TSHZ2: variants seen among roughly 807,000 people sequenced by gnomAD.
The protein encoded by TSHZ2 is teashirt homolog 2.
TSHZ2 carries 21 observed loss-of-function variants against 74.4 expected under a neutral mutation model. The observed-to-expected ratio is 0.28, with a 90% CI of 0.20 to 0.41. The LOEUF (loss-of-function observed/expected upper bound fraction) is 0.41. Ranked by LOEUF, TSHZ2 falls within the 10% of genes least tolerant of loss-of-function variation. The pLI is 1.00. For synonymous variants in TSHZ2, 540 were observed against 515.3 expected (o/e 1.05, Z -0.65); for missense variants, 1,244 against 1,293.5 (o/e 0.96, Z 0.59).
chr20:53,477,730 C>CA (rs1213877507), intron 2 of TSHZ2, among the ~76,000 whole-genome samples: 3 of 136,408 alleles, frequency 2.2e-5, no homozygotes, highest in African/African-American at 5.7e-5. Flanking sequence ...AGGCAACCTA[C>CA]AAAATGGGAG....
chr20:53,160,015 A>G (rs920249656), intron 1 of TSHZ2, among the ~76,000 whole-genome samples: 9 of 152,208 alleles, frequency 5.9e-5, no homozygotes, highest in Non-Finnish European at 1.2e-4. Context: ...AATGATGAGC[A>G]GGTGAAGAGG....
At chr20:53,088,739 A>G (rs1335335134) in intron 1 of TSHZ2, among the ~76,000 whole-genome samples, 2 of 152,164 alleles carry the variant, frequency 1.3e-5, no homozygotes, top group South Asian at 2.1e-4. Context: ...AGTTTTTGTA[A>G]TTAATTGAAG....
chr20:53,242,837 A>G (rs538211886), intron 1 of TSHZ2, among the ~76,000 whole-genome samples: 1 of 152,322 alleles, frequency 6.6e-6, no homozygotes, highest in Admixed American at 6.5e-5. Context: ...CCAATCATTC[A>G]TTTATTTATT....
chr20:52,990,268 G>A (rs1309098069), intron 1 of TSHZ2, among the ~76,000 whole-genome samples: 1 of 152,046 alleles, frequency 6.6e-6, no homozygotes, highest in African/African-American at 2.4e-5. Flanking sequence ...ACTTCACTGA[G>A]ATGTCTACCC....
intron 2 of TSHZ2, among the ~76,000 whole-genome samples, chr20:53,423,176 A>G (rs1221940519): frequency 1.3e-5 from 2 of 152,134 alleles, no homozygotes; most frequent in African/African-American, 4.8e-5. Flanking sequence ...AGGCAGGCGG[A>G]TATCTTGAGG....
At chr20:53,462,327 G>C (rs529578450) in intron 2 of TSHZ2, among the ~76,000 whole-genome samples, 18 of 152,156 alleles carry the variant, frequency 1.2e-4, no homozygotes, top group Non-Finnish European at 2.5e-4. Context: ...CATCTTAACA[G>C]CCTCATGTTT....
intron 2 of TSHZ2, among the ~76,000 whole-genome samples, chr20:53,306,075 A>T (rs1978531106): frequency 6.6e-6 from 1 of 151,910 alleles, no homozygotes; most frequent in East Asian, 1.9e-4. Flanking sequence ...AATAAGAGGC[A>T]TCTGCTCTGG....
chr20:53,230,863 G>A (rs571323318), intron 1 of TSHZ2, among the ~76,000 whole-genome samples: 1 of 151,880 alleles, frequency 6.6e-6, no homozygotes, highest in African/African-American at 2.4e-5. Context: ...CTGCACTCCA[G>A]CCCAGGTGAG....
intron 1 of TSHZ2, among the ~76,000 whole-genome samples, chr20:53,008,980 CCTCTCTCTCT>C (rs55692015): frequency 0.17 from 22,046 of 130,156 alleles, 2,154 homozygotes; most frequent in Admixed American, 0.26. Flanking sequence ...TTGTCTTTCT[CCTCTCTCTCT>C]CTCTCTCTCT....
intron 2 of TSHZ2, chr20:53,421,351 C>T (rs1983459973): frequency 6.0e-6 from 1 of 166,500 alleles, no homozygotes; most frequent in Non-Finnish European, 1.4e-5. Flanking sequence ...AGAATTATTC[C>T]ATTATGTACC....
intron 1 of TSHZ2, among the ~76,000 whole-genome samples, chr20:53,232,205 G>A (rs1407150686): frequency 1.3e-5 from 2 of 151,990 alleles, no homozygotes; most frequent in African/African-American, 4.8e-5. Flanking sequence ...AATAATTATT[G>A]AGCCCACACT....
chr20:53,482,984 C>A (rs115469532), intron 2 of TSHZ2, among the ~76,000 whole-genome samples: 1 of 152,176 alleles, frequency 6.6e-6, no homozygotes, highest in Non-Finnish European at 1.5e-5. Flanking sequence ...AGATTCAGAT[C>A]TTCTCTTTAC....
chr20:53,345,429 G>C (rs1179606355), intron 2 of TSHZ2, among the ~76,000 whole-genome samples: 20 of 152,054 alleles, frequency 1.3e-4, no homozygotes, highest in Non-Finnish European at 1.3e-4. Flanking sequence ...CTGGTCCCCC[G>C]TCCCCCAGTG....
chr20:53,335,650 A>C (rs1979915969), intron 2 of TSHZ2, among the ~76,000 whole-genome samples: 1 of 152,242 alleles, frequency 6.6e-6, no homozygotes, highest in Non-Finnish European at 1.5e-5. Flanking sequence ...AAATGTCTGT[A>C]CTGAGGCTTT....
intron 2 of TSHZ2, among the ~76,000 whole-genome samples, chr20:53,430,472 T>G (rs1450127809): frequency 6.6e-6 from 1 of 151,848 alleles, no homozygotes; most frequent in Non-Finnish European, 1.5e-5. Flanking sequence ...AGAGAGAGAA[T>G]ACAGGTGATA....
At chr20:53,442,169 G>A (rs1984359373) in intron 2 of TSHZ2, among the ~76,000 whole-genome samples, 1 of 152,090 alleles carries the variant, frequency 6.6e-6, no homozygotes, top group Non-Finnish European at 1.5e-5. Context: ...TTTTAAGCAG[G>A]GAATGTATGA....
intron 1 of TSHZ2, among the ~76,000 whole-genome samples, chr20:53,022,077 C>T (rs2123035590): frequency 6.6e-6 from 1 of 152,200 alleles, no homozygotes; most frequent in South Asian, 2.1e-4. Context: ...AAAACCTAAG[C>T]TAAGAAGTGC....
At chr20:53,330,941 C>G (rs1436944150) in intron 2 of TSHZ2, among the ~76,000 whole-genome samples, 1 of 152,170 alleles carries the variant, frequency 6.6e-6, no homozygotes, top group Non-Finnish European at 1.5e-5. Flanking sequence ...GTTCTCAAGC[C>G]TCAACAGCTA....
At chr20:53,003,506 C>T (rs1435495432) in intron 1 of TSHZ2, among the ~76,000 whole-genome samples, 2 of 152,096 alleles carry the variant, frequency 1.3e-5, no homozygotes, top group African/African-American at 2.4e-5. Flanking sequence ...TAAAATGTGT[C>T]AGCCCTATGG....
Sources: allele counts gnomAD v4.1 joint callset (sites outside exome capture counted in the v4.1 genomes callset), GRCh38; gene constraint gnomAD v4.1.1; transcripts MANE v1.5; gene names NCBI Gene and HGNC (gene_info 2026-07-23, HGNC 2026-07-21).